The following CTNNA3 variants were observed in gnomAD, a reference collection of about 807,000 sequenced individuals.
CTNNA3 encodes catenin alpha-3.
Under a neutral mutation model 95.7 loss-of-function variants are expected in CTNNA3, and 76 were observed. The ratio of observed to expected loss-of-function variants is 0.79; its 90% CI spans 0.66 to 0.96. The LOEUF is 0.96. Ranked by LOEUF, CTNNA3 falls within the 40% of genes least tolerant of loss-of-function variation. CTNNA3 has a pLI of 0.00. For synonymous variants in CTNNA3, 431 were observed against 374.4 expected, an observed-to-expected ratio of 1.15 and a Z score of -1.74; for missense variants, 1,191 against 1,089.8, an observed-to-expected ratio of 1.09 and a Z score of -1.31.
intron 15 of CTNNA3, among the ~76,000 whole-genome samples, chr10:66,004,082 A>G (rs1458255272): frequency 1.3e-5 from 2 of 152,244 alleles, no homozygotes; most frequent in African/African-American, 4.8e-5. Context: ...ATGAATAGCA[A>G]GGAGTTTAAA....
intron 7 of CTNNA3, among the ~76,000 whole-genome samples, chr10:67,017,868 C>T (rs564747724): frequency 6.6e-6 from 1 of 152,036 alleles, no homozygotes; most frequent in Admixed American, 6.6e-5. Context: ...CTCCAGGGTT[C>T]AAGCGATTCT....
intron 1 of CTNNA3, among the ~76,000 whole-genome samples, chr10:67,675,292 A>C (rs1176831781): frequency 6.6e-6 from 1 of 152,150 alleles, no homozygotes; most frequent in Non-Finnish European, 1.5e-5. Flanking sequence ...AAAAACTACC[A>C]CTGAGGTTTA....
At chr10:66,811,311 G>T (rs572052538) in intron 7 of CTNNA3, among the ~76,000 whole-genome samples, 1 of 152,244 alleles carries the variant, frequency 6.6e-6, no homozygotes, top group South Asian at 2.1e-4. Flanking sequence ...TAGATGTTTA[G>T]GTTAGAGAAG....
At chr10:66,911,373 C>T (rs1025216684) in intron 7 of CTNNA3, among the ~76,000 whole-genome samples, 4 of 152,114 alleles carry the variant, frequency 2.6e-5, no homozygotes, top group South Asian at 2.1e-4. Context: ...ATATATATCA[C>T]TATTATAATG....
intron 15 of CTNNA3, among the ~76,000 whole-genome samples, chr10:66,055,247 T>C (rs2080054385): frequency 6.6e-6 from 1 of 152,170 alleles, no homozygotes; most frequent in South Asian, 2.1e-4. Context: ...ACTTTTTCTG[T>C]TTCTGTGAAG....
rs1180700632 is a variant in CTNNA3 at position 66,512,363 on chromosome 10, C to T, written c.1531+8254G>A. 2.6e-5 allele frequency among the ~76,000 whole-genome samples: 4 copies of T among 151,976 alleles called. No individual in the cohort carries two copies. In the East Asian group the frequency reaches 5.8e-4, roughly 22 times the overall value. On this transcript the variant is annotated intron_variant, in intron 11 of 17. Transcript: ENST00000433211. ...TCAATTAGGGAATTTAAACGGTTTA[C>T]ATTTAAGGTTGTTATTGATAAGATG... is the stretch of plus-strand genomic sequence containing the variant.
chr10:67,723,233 C>T (rs1296878506), intron 1 of CTNNA3, among the ~76,000 whole-genome samples: 1 of 151,574 alleles, frequency 6.6e-6, no homozygotes, highest in Non-Finnish European at 1.5e-5. Flanking sequence ...GTGATCTGTC[C>T]CACTTGGCCT....
chr10:66,382,137 C>A (rs942370126), intron 11 of CTNNA3, among the ~76,000 whole-genome samples: 2 of 152,078 alleles, frequency 1.3e-5, no homozygotes, highest in Admixed American at 1.3e-4. Flanking sequence ...TGTTGCCTCA[C>A]CCGGGAAGCA....
chr10:66,113,596 G>C (rs2082200141), intron 13 of CTNNA3, among the ~76,000 whole-genome samples: 1 of 152,126 alleles, frequency 6.6e-6, no homozygotes. Context: ...AGCTTCCTCA[G>C]TGGTACATGA....
chr10:67,100,328 A>G (rs1476719599), intron 7 of CTNNA3, among the ~76,000 whole-genome samples: 1 of 151,742 alleles, frequency 6.6e-6, no homozygotes, highest in Admixed American at 6.6e-5. Flanking sequence ...GAGACTTCTC[A>G]TCTTTAAATT....
chr10:66,462,064 C>A (rs1350463109), intron 11 of CTNNA3, among the ~76,000 whole-genome samples: 1 of 151,992 alleles, frequency 6.6e-6, no homozygotes, highest in Non-Finnish European at 1.5e-5. Flanking sequence ...CCCACCTCGT[C>A]CCCCCAAAGT....
intron 5 of CTNNA3, among the ~76,000 whole-genome samples, chr10:67,358,827 C>T (rs1487086858): frequency 6.6e-6 from 1 of 152,062 alleles, no homozygotes; most frequent in African/African-American, 2.4e-5. Flanking sequence ...TAAGGAAATG[C>T]AGGCACTGCA....
chr10:66,270,630 C>T (rs1009923452), intron 13 of CTNNA3, among the ~76,000 whole-genome samples: 3 of 152,068 alleles, frequency 2.0e-5, no homozygotes, highest in Admixed American at 1.3e-4. Context: ...ACAAACGCTA[C>T]GCAAGCATAA....
chr10:66,517,256 C>A (rs1432888400), intron 11 of CTNNA3, among the ~76,000 whole-genome samples: 1 of 151,868 alleles, frequency 6.6e-6, no homozygotes, highest in Admixed American at 6.6e-5. Context: ...TAACCTTGAA[C>A]TGTCAGAGGC....
At chr10:66,602,362 T>C (rs1280051230) in intron 10 of CTNNA3, among the ~76,000 whole-genome samples, 1 of 151,978 alleles carries the variant, frequency 6.6e-6, no homozygotes, top group Non-Finnish European at 1.5e-5. Flanking sequence ...TAAAAGTATC[T>C]TAAGTTTTAA....
chr10:66,743,433 A>G (rs1849393387), intron 9 of CTNNA3, among the ~76,000 whole-genome samples: 1 of 152,144 alleles, frequency 6.6e-6, no homozygotes, highest in African/African-American at 2.4e-5. Flanking sequence ...TTAATATGAG[A>G]TATTGCAAAT....
chr10:66,980,092 A>G (rs559100852), intron 7 of CTNNA3, among the ~76,000 whole-genome samples: 3 of 152,248 alleles, frequency 2.0e-5, no homozygotes, highest in Non-Finnish European at 2.9e-5. Flanking sequence ...TAAAGCACCA[A>G]CTGTATTTCC....
At chr10:67,552,230 T>G (rs1294873243) in intron 3 of CTNNA3, among the ~76,000 whole-genome samples, 1 of 151,368 alleles carries the variant, frequency 6.6e-6, no homozygotes, top group Non-Finnish European at 1.5e-5. Context: ...CCATGCATAT[T>G]TAAGTACAAT....
At chr10:66,235,562 C>G (rs1431032711) in intron 13 of CTNNA3, among the ~76,000 whole-genome samples, 75 of 149,418 alleles carry the variant, frequency 5.0e-4, no homozygotes, top group Non-Finnish European at 1.5e-5. Context: ...CTAATGCCTT[C>G]TTTAAGTGAC....
Sources: allele counts gnomAD v4.1 joint callset (sites outside exome capture counted in the v4.1 genomes callset), GRCh38; gene constraint gnomAD v4.1.1; transcripts MANE v1.5; gene names NCBI Gene and HGNC (gene_info 2026-07-23, HGNC 2026-07-21).